The following OR1L8 variants were observed in gnomAD, a reference collection of about 807,000 sequenced individuals.
OR1L8 encodes the protein olfactory receptor family 1 subfamily L member 8.
For synonymous variants in OR1L8, 148 were observed against 147.0 expected, an observed-to-expected ratio of 1.01 and a Z score of -0.05; for missense variants, 330 against 377.4, an observed-to-expected ratio of 0.87 and a Z score of 1.04.
At chr9:122,575,571 T>C (rs1829638540) in intron 3 of OR1L8, among the ~76,000 whole-genome samples, 1 of 152,164 alleles carries the variant, frequency 6.6e-6, no homozygotes, top group Non-Finnish European at 1.5e-5. Context: ...ACATTAATAA[T>C]TTGTGTCCTC....
the OR1L8 span, among the ~76,000 whole-genome samples, chr9:122,561,979 C>T: frequency 6.6e-6 from 1 of 152,178 alleles, no homozygotes; most frequent in Non-Finnish European, 1.5e-5. Context: ...ATGGCCACCC[C>T]TTCTACTAGG....
Position 122,578,418 on chromosome 9 carries a change from C to T in OR1L8, c.-572G>A, listed in dbSNP as rs1015803912. On this transcript the variant is annotated 5_prime_UTR_variant, in exon 2 of 5. Transcript: ENST00000641027. ...GAGTTGAGATCATGCCACGGCACTC[C>T]AGCCTGGGCGACAGTGCAAGACTCC... 5 of 148,586 alleles carry T rather than the reference C, an allele frequency of 3.4e-5. No individual in the cohort carries two copies. Among genetic ancestry groups the T allele is most frequent in the African/African-American group, 1.3e-4 (5 of 39,878 alleles). The allele number at this position is 148,586 out of a possible 1,614,324, so 9.2% of individuals were successfully genotyped here.
At position 122,579,385 on chromosome 9, in the gene OR1L8, A is replaced by AC. The variant is rs553596689; in HGVS notation, c.-599-941dup. Among the ~76,000 whole-genome samples the AC allele has an allele frequency of 3.1e-3, 471 of 152,288 alleles. 5 individuals carry two copies. The highest frequency in any genetic ancestry group is 0.011 in the African/African-American group (453 of 41,564). On this transcript the variant is annotated intron_variant, in intron 1 of 4. Transcript: ENST00000641027. ...TTTTGCACTAACTTTTTAAGGTAATACCTATCCCTTGTCTGGAGATTGCTT... is the reference window on the plus strand; with the variant it reads ...TTTTGCACTAACTTTTTAAGGTAATACCCTATCCCTTGTCTGGAGATTGCTT...
intron 3 of OR1L8, among the ~76,000 whole-genome samples, chr9:122,574,352 T>G (rs1829603936): frequency 6.6e-6 from 1 of 152,206 alleles, no homozygotes; most frequent in Non-Finnish European, 1.5e-5. Context: ...GAATTACTAT[T>G]TAGTTCTTTT....
At chr9:122,575,572 T>A (rs962918492) in intron 3 of OR1L8, among the ~76,000 whole-genome samples, 3 of 152,288 alleles carry the variant, frequency 2.0e-5, no homozygotes, top group Non-Finnish European at 1.5e-5. Context: ...CATTAATAAT[T>A]TGTGTCCTCT....
the OR1L8 span, among the ~76,000 whole-genome samples, chr9:122,548,176 C>T: frequency 6.6e-6 from 1 of 152,110 alleles, no homozygotes; most frequent in South Asian, 2.1e-4. Context: ...TCCAAGGATG[C>T]AGTTAGAGTT....
chr9:122,556,266 T>C, the OR1L8 span, among the ~76,000 whole-genome samples: 4 of 149,078 alleles, frequency 2.7e-5, no homozygotes, highest in African/African-American at 7.4e-5. Flanking sequence ...AAAGGTGTAA[T>C]GTCTGTGTCT....
At chr9:122,571,485 G>A (rs1281312145) in intron 4 of OR1L8, among the ~76,000 whole-genome samples, 1 of 151,454 alleles carries the variant, frequency 6.6e-6, no homozygotes, top group African/African-American at 2.4e-5. Flanking sequence ...AGGAGACGGA[G>A]GTTGCAGTGA....
At chr9:122,554,470 A>T in the OR1L8 span, among the ~76,000 whole-genome samples, 8 of 152,270 alleles carry the variant, frequency 5.3e-5, no homozygotes, top group Middle Eastern at 3.4e-3. Context: ...GAGGCTCTGG[A>T]GCTGAGCAAT....
At chr9:122,556,428 T>C in the OR1L8 span, among the ~76,000 whole-genome samples, 2 of 152,082 alleles carry the variant, frequency 1.3e-5, no homozygotes, top group Non-Finnish European at 2.9e-5. Flanking sequence ...TATTCTGTTA[T>C]ATTGATCTAT....
At chr9:122,552,500 A>C in the OR1L8 span, among the ~76,000 whole-genome samples, 1 of 152,160 alleles carries the variant, frequency 6.6e-6, no homozygotes, top group African/African-American at 2.4e-5. Flanking sequence ...AGAGGAAGTG[A>C]TGGAAGGGAG....
At chr9:122,553,009 C>T in the OR1L8 span, 1 of 637,848 alleles carries the variant, frequency 1.6e-6, no homozygotes, top group Non-Finnish European at 2.8e-6. Context: ...ATTATCTTAA[C>T]TGTTCTCTAA....
intron 1 of OR1L8, among the ~76,000 whole-genome samples, chr9:122,581,208 A>C (rs1269498088): frequency 6.6e-6 from 1 of 150,852 alleles, no homozygotes; most frequent in East Asian, 1.9e-4. Context: ...TCTACTAAAA[A>C]TACAAAAATT....
the OR1L8 span, among the ~76,000 whole-genome samples, chr9:122,552,236 G>A: frequency 6.6e-6 from 1 of 152,110 alleles, no homozygotes; most frequent in Non-Finnish European, 1.5e-5. Context: ...AAGCTTCTAA[G>A]GCCAAACTTC....
At chr9:122,570,314 TATTTCTCC>T (rs1829521365) in intron 4 of OR1L8, among the ~76,000 whole-genome samples, 2 of 152,198 alleles carry the variant, frequency 1.3e-5, no homozygotes, top group Non-Finnish European at 2.9e-5. Context: ...AAATTGTTCC[TATTTCTCC>T]ACATCCTCTC....
rs1285088000 is a variant in OR1L8, at chr9:122,569,876, G to T, written c.-212-1187C>A. 4.1e-5 allele frequency among the ~76,000 whole-genome samples: 6 copies of T among 147,246 alleles called. No individual in the cohort carries two copies. The Admixed American group carries it at 4.2e-4, about 10-fold the overall frequency. On this transcript the variant is annotated intron_variant, in intron 4 of 4. Coordinates refer to ENST00000641027, the MANE Select transcript of OR1L8 (RefSeq NM_001004454.2). ...CCCAGAGTGTGATGTTCCCCTTCCT[G>T]TGTCCATGTGTTCTCATTGTTCAAT...
chr9:122,553,429 A>T, the OR1L8 span: 1 of 1,614,034 alleles, frequency 6.2e-7, no homozygotes, highest in South Asian at 1.1e-5. Flanking sequence ...TCATTAACTG[A>T]TGCCTGTTTC....
chr9:122,567,862 T>C lies in OR1L8; in HGVS notation c.616A>G (p.Ile206Val), dbSNP rs79997351. ...NEIVQMTEAP[I>V]VLVTRFLCIA... ...CAGAGAAAACGAGTCACCAAAACAA[T>C]AGGTGCTTCTGTCATCTGCACAATT... Residue 206 changes from isoleucine (I) to valine (V), a missense_variant, in exon 5 of 5, where the codon ATT (isoleucine) becomes GTT (valine). Coordinates refer to ENST00000641027, the MANE Select transcript of OR1L8 (RefSeq NM_001004454.2). 10 of 1,613,966 alleles carry C rather than the reference T, an allele frequency of 6.2e-6. No individual in the cohort carries two copies. The highest frequency in any genetic ancestry group is 3.3e-5 in the Admixed American group (2 of 60,010).
intron 1 of OR1L8, among the ~76,000 whole-genome samples, chr9:122,582,662 G>A (rs1352798016): frequency 1.3e-5 from 2 of 152,130 alleles, no homozygotes; most frequent in African/African-American, 4.8e-5. Context: ...TGAGGCTACA[G>A]TAAGCTACAC....
Sources: allele counts gnomAD v4.1 joint callset (sites outside exome capture counted in the v4.1 genomes callset), GRCh38; gene constraint gnomAD v4.1.1; transcripts MANE v1.5; gene names NCBI Gene and HGNC (gene_info 2026-07-23, HGNC 2026-07-21).